Variants in FGGY observed in about 807,000 individuals in gnomAD.
FGGY encodes the protein FGGY carbohydrate kinase domain-containing protein.
In FGGY, 72 loss-of-function variants were observed where a neutral mutation model predicts 71.3. That is an observed-to-expected ratio of 1.01 (90% confidence interval 0.84 to 1.23). The LOEUF (loss-of-function observed/expected upper bound fraction) is 1.23. Among genes scored for constraint, FGGY ranks in the 50% most tolerant of loss-of-function variants. FGGY has a pLI of 0.00. For synonymous variants in FGGY, 251 were observed against 250.3 expected (o/e 1.00, Z -0.02); for missense variants, 668 against 682.3 (o/e 0.98, Z 0.23).
chr1:59,406,079 T>C (rs543871443), intron 5 of FGGY, among the ~76,000 whole-genome samples: 6 of 152,122 alleles, frequency 3.9e-5, no homozygotes. Context: ...CAAATGTTTT[T>C]TAAAAAGCTT....
At chr1:59,337,015 A>G (rs2049690568) in intron 2 of FGGY, among the ~76,000 whole-genome samples, 1 of 145,946 alleles carries the variant, frequency 6.9e-6, no homozygotes, top group Admixed American at 7.0e-5. Flanking sequence ...GTATATGTAT[A>G]TATTCATATA....
At chr1:59,709,504 G>A (rs535299381) in intron 14 of FGGY, among the ~76,000 whole-genome samples, 35 of 126,186 alleles carry the variant, frequency 2.8e-4, no homozygotes, top group South Asian at 7.3e-4. Flanking sequence ...ACACACACTG[G>A]AAGAGTGCTT....
chr1:59,654,322 C>T (rs1389581455), intron 11 of FGGY, among the ~76,000 whole-genome samples: 1 of 152,186 alleles, frequency 6.6e-6, no homozygotes, highest in African/African-American at 2.4e-5. Context: ...CTCTGATCCT[C>T]CTCATTGCCT....
intron 9 of FGGY, among the ~76,000 whole-genome samples, chr1:59,610,773 C>T (rs910933874): frequency 6.6e-6 from 1 of 152,234 alleles, no homozygotes; most frequent in Non-Finnish European, 1.5e-5. Flanking sequence ...CCAAGGAAAG[C>T]CATGACAGAT....
intron 14 of FGGY, among the ~76,000 whole-genome samples, chr1:59,733,517 T>C (rs2098067688): frequency 6.6e-6 from 1 of 152,174 alleles, no homozygotes; most frequent in Admixed American, 6.5e-5. Context: ...CAGGTGTAAA[T>C]GCCAGATCTT....
chr1:59,433,353 G>C lies in FGGY; in HGVS notation c.555-23608G>C, dbSNP rs115828891. 1.7e-3 allele frequency among the ~76,000 whole-genome samples: 258 copies of C among 152,328 alleles called. 2 individuals are homozygous for C. Among genetic ancestry groups the C allele is most frequent in the African/African-American group, 5.9e-3 (247 of 41,586 alleles). ...AATTAAATGAAGGCCAAGGAGCCTT[G>C]AGTAGTGTTCATATCCGAAAAGGGC... On this transcript the variant is annotated intron_variant, in intron 5 of 15. Transcript: ENST00000303721.
chr1:59,674,406 C>G (rs1302520890), intron 14 of FGGY, among the ~76,000 whole-genome samples: 1 of 151,870 alleles, frequency 6.6e-6, no homozygotes, highest in Admixed American at 6.6e-5. Context: ...TTAAATTTCC[C>G]CTTGACCACT....
At chr1:59,553,527 G>A (rs1242317120) in intron 7 of FGGY, among the ~76,000 whole-genome samples, 1 of 152,196 alleles carries the variant, frequency 6.6e-6, no homozygotes, top group Non-Finnish European at 1.5e-5. Context: ...CTCGCTCTCA[G>A]TCATTCTCTC....
intron 8 of FGGY, among the ~76,000 whole-genome samples, chr1:59,605,421 T>G (rs545445460): frequency 4.6e-5 from 7 of 152,274 alleles, no homozygotes; most frequent in African/African-American, 1.7e-4. Flanking sequence ...GCTCTTTGAG[T>G]ACAGGCACTA....
intron 14 of FGGY, among the ~76,000 whole-genome samples, chr1:59,691,455 A>G (rs1164368803): frequency 6.6e-6 from 1 of 151,920 alleles, no homozygotes; most frequent in Non-Finnish European, 1.5e-5. Flanking sequence ...TTGGCTGAAA[A>G]CAGACTGCGT....
At chr1:59,338,474 A>AT (rs2050030474) in intron 2 of FGGY, among the ~76,000 whole-genome samples, 1 of 151,564 alleles carries the variant, frequency 6.6e-6, no homozygotes, top group East Asian at 1.9e-4. Context: ...TAGTTTTTTT[A>AT]TTTTTTGTGG....
chr1:59,399,027 G>T (rs1297478210), intron 5 of FGGY, among the ~76,000 whole-genome samples: 1 of 152,100 alleles, frequency 6.6e-6, no homozygotes, highest in Admixed American at 6.6e-5. Flanking sequence ...CCTAACATTG[G>T]GTGTAAAGGA....
Position 59,574,854 on chromosome 1 carries a change from TA to T in FGGY, c.903+20628del, listed in dbSNP as rs369201704. Among the ~76,000 whole-genome samples, 93 of 152,308 alleles carry T rather than the reference TA, an allele frequency of 6.1e-4. 2 individuals are homozygous for T. The East Asian group carries it at 0.014, about 23-fold the overall frequency. ...TTTCCAATGAAAAGAAGCAAAGTTT[TA>T]TACATCAAATTTGCTTCCAAATGCT... On this transcript the variant is annotated intron_variant, in intron 8 of 15. Transcript: ENST00000303721.
intron 14 of FGGY, among the ~76,000 whole-genome samples, chr1:59,718,756 G>A (rs1390279541): frequency 1.3e-5 from 2 of 152,156 alleles, no homozygotes; most frequent in Non-Finnish European, 2.9e-5. Flanking sequence ...ACTCCCCGCT[G>A]TATACCATGG....
At chr1:59,483,399 A>G (rs1558083390) in intron 6 of FGGY, among the ~76,000 whole-genome samples, 1 of 152,202 alleles carries the variant, frequency 6.6e-6, no homozygotes, top group Non-Finnish European at 1.5e-5. Flanking sequence ...CGAGATGCCT[A>G]TCAACTATGG....
chr1:59,584,922 G>C (rs1419049774), intron 8 of FGGY, among the ~76,000 whole-genome samples: 2 of 137,540 alleles, frequency 1.5e-5, no homozygotes, highest in Non-Finnish European at 3.0e-5. Flanking sequence ...ATTCACAATT[G>C]CTTCAAAGAG....
chr1:59,374,398 GA>G, intron 4 of FGGY, among the ~76,000 whole-genome samples: 1 of 152,306 alleles, frequency 6.6e-6, no homozygotes, highest in South Asian at 2.1e-4. Flanking sequence ...AAAAAGTCAG[GA>G]AACAACAGGT....
At chr1:59,684,337 A>G (rs762231076) in intron 14 of FGGY, among the ~76,000 whole-genome samples, 96 of 152,252 alleles carry the variant, frequency 6.3e-4, no homozygotes, top group Admixed American at 2.6e-4. Context: ...ATTCCATTGC[A>G]ATTACTCTGC....
At chr1:59,605,688 C>T (rs952405586) in intron 8 of FGGY, among the ~76,000 whole-genome samples, 1 of 152,062 alleles carries the variant, frequency 6.6e-6, no homozygotes, top group Non-Finnish European at 1.5e-5. Flanking sequence ...TTCCTTCCCC[C>T]CCTTCCCATT....
Sources: gnomAD v4.1 joint callset for allele counts (sites outside exome capture counted in the v4.1 genomes callset) on GRCh38, gnomAD v4.1.1 for gene constraint, MANE v1.5 for transcripts, NCBI Gene and HGNC (gene_info 2026-07-23, HGNC 2026-07-21) for gene names.